The following GRID1 variants were observed in gnomAD, a reference collection of about 807,000 sequenced individuals.
GRID1 encodes glutamate ionotropic receptor delta type subunit 1.
A neutral mutation model predicts 98.0 loss-of-function variants in GRID1; 28 were observed. That is an observed-to-expected ratio of 0.29 (90% CI 0.21 to 0.39). The LOEUF (loss-of-function observed/expected upper bound fraction) is 0.39. Among genes scored for constraint, GRID1 ranks in the 10% least tolerant of loss-of-function variants. GRID1 has a pLI of 1.00. For synonymous variants in GRID1, 553 were observed against 538.5 expected (o/e 1.03, Z -0.37); for missense variants, 1,111 against 1,340.5 (o/e 0.83, Z 2.67).
intron 2 of GRID1, among the ~76,000 whole-genome samples, chr10:86,273,363 C>G (rs1004616825): frequency 1.4e-4 from 17 of 125,628 alleles, no homozygotes; most frequent in African/African-American, 4.5e-4. Context: ...AATAGTGCTG[C>G]AATAAACATA....
At chr10:85,743,741 T>C (rs1401975004) in intron 8 of GRID1, among the ~76,000 whole-genome samples, 1 of 152,190 alleles carries the variant, frequency 6.6e-6, no homozygotes, top group Non-Finnish European at 1.5e-5. Context: ...TAATATCTAG[T>C]GGCAGAAAAT....
In GRID1 at chr10:85,947,601, G is replaced by A. The variant is rs1353620807; in HGVS notation, c.727-31362C>T. Among the ~76,000 whole-genome samples, 11 of 152,278 alleles carry A rather than the reference G, an allele frequency of 7.2e-5. No homozygotes were observed. The East Asian group carries it at 2.1e-3, about 29-fold the overall frequency. On this transcript the variant is annotated intron_variant, in intron 4 of 15. Coordinates refer to ENST00000327946, the MANE Select transcript of GRID1 (RefSeq NM_017551.3). ...GGAGAGTGTCGTGACTCTGCAGGAT[G>A]CTGTGCCAGAGAAAGGCACACAAGA... is the stretch of plus-strand genomic sequence containing the variant.
chr10:86,307,793 C>T (rs964963773), intron 2 of GRID1, among the ~76,000 whole-genome samples: 6 of 152,156 alleles, frequency 3.9e-5, no homozygotes, highest in Non-Finnish European at 5.9e-5. Flanking sequence ...ATGTTGTACA[C>T]CTTAAATATT....
Position 85,805,107 on chromosome 10 carries a change from CA to C in GRID1, c.1233+49388del, listed in dbSNP as rs199499875. Reference sequence around the variant, plus strand: ...TACTAGAATATAGGAACATACTATACATAATATATAGGAATATAATAATAAA... The same window carrying C: ...TACTAGAATATAGGAACATACTATACTAATATATAGGAATATAATAATAAA... On this transcript the variant is annotated intron_variant, in intron 8 of 15. Transcript: ENST00000327946. Among the ~76,000 whole-genome samples, 14 of 151,186 alleles carry C rather than the reference CA, an allele frequency of 9.3e-5. No individual in the cohort carries two copies. The East Asian group carries it at 2.3e-3, about 25-fold the overall frequency.
chr10:85,719,858 A>T (rs1841680591), intron 12 of GRID1, among the ~76,000 whole-genome samples: 1 of 152,228 alleles, frequency 6.6e-6, no homozygotes. Context: ...GAATTTTAAA[A>T]CAAGAGAAAA....
At chr10:86,348,760 A>ATC (rs1848424558) in intron 2 of GRID1, among the ~76,000 whole-genome samples, 8 of 152,338 alleles carry the variant, frequency 5.3e-5, no homozygotes, top group Admixed American at 4.6e-4. Flanking sequence ...GAGCTCCCGG[A>ATC]AGCATTCACC....
At chr10:86,327,501 C>T (rs1848069607) in intron 2 of GRID1, among the ~76,000 whole-genome samples, 1 of 152,156 alleles carries the variant, frequency 6.6e-6, no homozygotes, top group Non-Finnish European at 1.5e-5. Flanking sequence ...TCATGGACAC[C>T]TATATACTGC....
At chr10:85,997,137 C>T (rs1842748502) in intron 4 of GRID1, among the ~76,000 whole-genome samples, 1 of 152,144 alleles carries the variant, frequency 6.6e-6, no homozygotes, top group African/African-American at 2.4e-5. Context: ...AATGGTGGCT[C>T]ACGCCTGTAA....
intron 12 of GRID1, among the ~76,000 whole-genome samples, chr10:85,695,126 A>G (rs769390764): frequency 2.8e-4 from 42 of 152,178 alleles, no homozygotes; most frequent in Non-Finnish European, 2.6e-4. Context: ...CTAATTTGGG[A>G]CTTTCCAGCA....
intron 12 of GRID1, among the ~76,000 whole-genome samples, chr10:85,672,634 C>T (rs1451351941): frequency 6.6e-6 from 1 of 152,122 alleles, no homozygotes; most frequent in Non-Finnish European, 1.5e-5. Context: ...AACAACAAGG[C>T]CTGTGTGATA....
chr10:86,262,610 A>G (rs2132056029), intron 2 of GRID1, among the ~76,000 whole-genome samples: 1 of 152,340 alleles, frequency 6.6e-6, no homozygotes, highest in African/African-American at 2.4e-5. Context: ...TCTGGACCAC[A>G]GCCCTGTTAG....
intron 4 of GRID1, among the ~76,000 whole-genome samples, chr10:86,101,333 A>G (rs907627781): frequency 3.9e-5 from 6 of 152,258 alleles, no homozygotes; most frequent in African/African-American, 1.4e-4. Flanking sequence ...GTATAATCTT[A>G]TGAGTTTTAT....
intron 8 of GRID1, among the ~76,000 whole-genome samples, chr10:85,773,587 C>A (rs1201971790): frequency 2.6e-5 from 4 of 152,160 alleles, no homozygotes; most frequent in Non-Finnish European, 5.9e-5. Context: ...ATTGTCTCAG[C>A]CCAAAATCTC....
At chr10:86,037,938 A>G (rs1458821765) in intron 4 of GRID1, among the ~76,000 whole-genome samples, 1 of 152,190 alleles carries the variant, frequency 6.6e-6, no homozygotes, top group Non-Finnish European at 1.5e-5. Flanking sequence ...ATATGGAGAT[A>G]GGATCTTTAA....
At chr10:86,013,945 C>T (rs1010929590) in intron 4 of GRID1, among the ~76,000 whole-genome samples, 15 of 152,224 alleles carry the variant, frequency 9.9e-5, no homozygotes, top group African/African-American at 3.6e-4. Context: ...CTGTCCCCTG[C>T]ATCCCATGTT....
intron 4 of GRID1, among the ~76,000 whole-genome samples, chr10:86,120,133 T>C (rs1269724620): frequency 1.3e-5 from 2 of 152,174 alleles, no homozygotes; most frequent in African/African-American, 4.8e-5. Context: ...TTCTAGCCTC[T>C]AGCATGGCAT....
At chr10:86,303,846 T>C (rs1284533072) in intron 2 of GRID1, among the ~76,000 whole-genome samples, 1 of 152,226 alleles carries the variant, frequency 6.6e-6, no homozygotes, top group African/African-American at 2.4e-5. Context: ...CTGTCTCTCC[T>C]GGGGCTTTTC....
chr10:85,799,667 A>G (rs1486305624), intron 8 of GRID1, among the ~76,000 whole-genome samples: 1 of 152,094 alleles, frequency 6.6e-6, no homozygotes, highest in African/African-American at 2.4e-5. Context: ...AAAAAAGCCA[A>G]TCTCATAGGA....
chr10:85,983,579 A>G (rs905105173), intron 4 of GRID1, among the ~76,000 whole-genome samples: 23 of 152,150 alleles, frequency 1.5e-4, no homozygotes, highest in African/African-American at 5.6e-4. Flanking sequence ...TGGCCTGGAG[A>G]CTTGAACAGA....
Sources: allele counts gnomAD v4.1 joint callset (sites outside exome capture counted in the v4.1 genomes callset), GRCh38; gene constraint gnomAD v4.1.1; transcripts MANE v1.5; gene names NCBI Gene and HGNC (gene_info 2026-07-23, HGNC 2026-07-21).